STAG1: variants seen among roughly 807,000 people sequenced by gnomAD.
STAG1 encodes the protein STAG1 cohesin complex component, also known as cohesin subunit SA-1.
STAG1 carries 26 observed loss-of-function variants against 170.9 expected under a neutral mutation model. The observed-to-expected ratio is 0.15, with a 90% CI of 0.11 to 0.21. STAG1 has a LOEUF of 0.21. Ranked by LOEUF, STAG1 falls within the 10% of genes least tolerant of loss-of-function variation. The pLI, the probability that STAG1 is intolerant of heterozygous loss-of-function variation, is 1.00. For missense variants in STAG1, 964 were observed against 1,509.5 expected (o/e 0.64, Z 5.99); for synonymous variants, 514 against 497.7 (o/e 1.03, Z -0.44).
intron 1 of STAG1, among the ~76,000 whole-genome samples, chr3:136,732,661 G>C (rs529681538): frequency 2.0e-5 from 3 of 152,080 alleles, no homozygotes; most frequent in Non-Finnish European, 2.9e-5. Flanking sequence ...CCAGGCTAGA[G>C]TGCAGCGGCG....
rs887346366 is a variant in STAG1 at position 136,376,364 on chromosome 3, T to C, written c.2370+1296A>G. On this transcript the variant is annotated intron_variant, in intron 23 of 33. Coordinates refer to ENST00000383202, the MANE Select transcript of STAG1 (RefSeq NM_005862.3). ...TTACAAAATCATATCATGGAAACAG[T>C]ACTTCCCTGGCCCACCCTGACCCCC... 5.3e-5 allele frequency among the ~76,000 whole-genome samples: 8 copies of C among 152,214 alleles called. No individual in the cohort carries two copies. In the East Asian group the frequency reaches 1.3e-3, roughly 26 times the overall value.
chr3:136,670,777 T>C (rs1399946816), intron 1 of STAG1, among the ~76,000 whole-genome samples: 1 of 152,016 alleles, frequency 6.6e-6, no homozygotes, highest in Admixed American at 6.6e-5. Flanking sequence ...CGGACTTGTT[T>C]TTTCTTTTTA....
At chr3:136,547,547 C>T (rs1351820421) in intron 5 of STAG1, among the ~76,000 whole-genome samples, 1 of 152,208 alleles carries the variant, frequency 6.6e-6, no homozygotes, top group Non-Finnish European at 1.5e-5. Context: ...CATGAGTTAA[C>T]ATACCTCATG....
chr3:136,427,151 C>T (rs1482661294), intron 16 of STAG1, among the ~76,000 whole-genome samples: 4 of 151,432 alleles, frequency 2.6e-5, no homozygotes, highest in East Asian at 1.9e-4. Flanking sequence ...ATCGCTTGAA[C>T]CCGGGAGGCA....
At chr3:136,574,696 G>A (rs982909746) in intron 4 of STAG1, among the ~76,000 whole-genome samples, 2 of 152,062 alleles carry the variant, frequency 1.3e-5, no homozygotes, top group African/African-American at 4.8e-5. Flanking sequence ...AGCAAAGATT[G>A]AACTAAAAGA....
At chr3:136,491,541 C>T (rs184288681) in intron 9 of STAG1, among the ~76,000 whole-genome samples, 26 of 152,204 alleles carry the variant, frequency 1.7e-4, no homozygotes, top group Non-Finnish European at 2.2e-4. Flanking sequence ...TTATTATTTG[C>T]CATTTATTTG....
At position 136,349,353 on chromosome 3, in the gene STAG1, G is replaced by T; in HGVS notation, c.3076C>A (p.Leu1026Ile). 1 of 1,613,006 alleles carries T rather than the reference G, an allele frequency of 6.2e-7. No individual in the cohort carries two copies. Among genetic ancestry groups the T allele is most frequent in the Non-Finnish European group, 8.5e-7 (1 of 1,179,118 alleles). ...RQDKKTVHSY[L>I]EKFLTEQMME... ...ATCTGCTCGGTAAGGAATTTCTCTA[G>T]GTATGAATGACTAGAAACACAATAG... The change falls in exon 29 of 34, where the codon CTA becomes ATA. Residue 1026 changes from leucine to isoleucine, a missense_variant. Physicochemically the swap from Leu to Ile is conservative, Grantham distance 5 (BLOSUM62 2). Transcript: ENST00000383202.
At chr3:136,539,425 C>CA (rs1335560073) in intron 6 of STAG1, among the ~76,000 whole-genome samples, 2 of 152,066 alleles carry the variant, frequency 1.3e-5, no homozygotes, top group African/African-American at 4.8e-5. Flanking sequence ...AAAAATCACG[C>CA]AATTTATCAA....
chr3:136,680,383 T>C (rs985799324), intron 1 of STAG1, among the ~76,000 whole-genome samples: 3 of 152,192 alleles, frequency 2.0e-5, no homozygotes, highest in African/African-American at 7.2e-5. Flanking sequence ...TTTAAAAATC[T>C]TCACATAAAG....
At chr3:136,357,674 A>G in intron 28 of STAG1, 46 bp downstream of exon 28, 2 of 1,490,072 alleles carry the variant, frequency 1.3e-6, no homozygotes, top group South Asian at 1.3e-5. Context: ...AAACATTTAC[A>G]ACAGTATTAT....
At chr3:136,604,054 A>G (rs765566907) in intron 4 of STAG1, among the ~76,000 whole-genome samples, 2 of 152,204 alleles carry the variant, frequency 1.3e-5, no homozygotes, top group Non-Finnish European at 2.9e-5. Context: ...ATATCAAGAC[A>G]ATAAAAATTC....
At chr3:136,704,780 G>T (rs569285206) in intron 1 of STAG1, among the ~76,000 whole-genome samples, 1 of 128,454 alleles carries the variant, frequency 7.8e-6, no homozygotes, top group Non-Finnish European at 1.6e-5. Context: ...CTGAGATCAT[G>T]TCACTGCACT....
intron 1 of STAG1, among the ~76,000 whole-genome samples, chr3:136,706,030 AC>A (rs1163700077): frequency 6.6e-6 from 1 of 152,098 alleles, no homozygotes; most frequent in Non-Finnish European, 1.5e-5. Flanking sequence ...TGATCATGCC[AC>A]TGCACTCCAG....
At chr3:136,553,610 C>G (rs1484983348) in intron 5 of STAG1, among the ~76,000 whole-genome samples, 1 of 152,050 alleles carries the variant, frequency 6.6e-6, no homozygotes, top group Non-Finnish European at 1.5e-5. Context: ...CTTGTCTCTA[C>G]TAAAATACAA....
intron 22 of STAG1, among the ~76,000 whole-genome samples, chr3:136,390,133 T>C (rs1161541504): frequency 1.3e-5 from 2 of 151,932 alleles, no homozygotes; most frequent in African/African-American, 4.8e-5. Context: ...GCCCGGCCCC[T>C]TATGCTATTT....
Position 136,740,593 on chromosome 3 carries a change from C to T in STAG1, c.-84+11602G>A, listed in dbSNP as rs551360186. On this transcript the variant is annotated intron_variant, in intron 1 of 33. Coordinates refer to ENST00000383202, the MANE Select transcript of STAG1 (RefSeq NM_005862.3). ...CCTCCTGGGCTCAAACTATCCTCTG[C>T]CTCAGCCCCCCAAGTAGCTGGGACT... Among the ~76,000 whole-genome samples the T allele has an allele frequency of 1.1e-4, 16 of 152,244 alleles. No individual in the cohort carries two copies. In the South Asian group the frequency reaches 3.3e-3, roughly 32 times the overall value.
At chr3:136,640,359 A>G (rs1307797809) in intron 1 of STAG1, among the ~76,000 whole-genome samples, 9 of 151,208 alleles carry the variant, frequency 6.0e-5, no homozygotes, top group African/African-American at 2.2e-4. Context: ...CTGTTCCACC[A>G]TTAGATAACT....
chr3:136,743,363 C>T (rs1189512220), intron 1 of STAG1, among the ~76,000 whole-genome samples: 1 of 147,670 alleles, frequency 6.8e-6, no homozygotes, highest in Non-Finnish European at 1.5e-5. Flanking sequence ...AATGAAACTC[C>T]TTCTCAAAAA....
rs61595071 is a variant in STAG1, at chr3:136,708,967, C to CTTTTT, written c.-84+43223_-84+43227dup. Among the ~76,000 whole-genome samples, 35 of 86,064 alleles carry CTTTTT rather than the reference C, an allele frequency of 4.1e-4. 3 individuals carry two copies. The highest frequency in any genetic ancestry group is 4.6e-4 in the Non-Finnish European group (22 of 47,710). 56.5% of individuals were successfully genotyped at this position (86,064 alleles called of 152,430 possible). On this transcript the variant is annotated intron_variant, in intron 1 of 33. Coordinates refer to ENST00000383202, the MANE Select transcript of STAG1 (RefSeq NM_005862.3). ...CACAGGCATGTACCACTGCAGCTGGCTTTTTTTTTTTTTTTTTTTTTTTTT... is the reference window on the plus strand; with the variant it reads ...CACAGGCATGTACCACTGCAGCTGGCTTTTTTTTTTTTTTTTTTTTTTTTTTTTTT...
Sources: allele counts gnomAD v4.1 joint callset (sites outside exome capture counted in the v4.1 genomes callset), GRCh38; gene constraint gnomAD v4.1.1; transcripts MANE v1.5; gene names NCBI Gene and HGNC (gene_info 2026-07-23, HGNC 2026-07-21).